The following OR9Q1 variants were observed in gnomAD, a reference collection of about 807,000 sequenced individuals.
OR9Q1 encodes the protein olfactory receptor family 9 subfamily Q member 1.
For synonymous variants in OR9Q1, 153 were observed against 148.6 expected, an observed-to-expected ratio of 1.03 and a Z score of -0.22; for missense variants, 374 against 378.8, an observed-to-expected ratio of 0.99 and a Z score of 0.11.
At chr11:58,172,740 C>T (rs953664347) in intron 2 of OR9Q1, among the ~76,000 whole-genome samples, 2 of 152,108 alleles carry the variant, frequency 1.3e-5, no homozygotes, top group African/African-American at 2.4e-5. Flanking sequence ...TATTTTGATA[C>T]AGCCATGCAA....
intron 1 of OR9Q1, among the ~76,000 whole-genome samples, chr11:58,035,715 G>A (rs185912845): frequency 3.3e-5 from 5 of 152,154 alleles, no homozygotes; most frequent in Admixed American, 1.3e-4. Flanking sequence ...CTGACCTATC[G>A]CATTTTCCAA....
chr11:58,099,171 A>G (rs1330818669), intron 2 of OR9Q1, among the ~76,000 whole-genome samples: 3 of 151,494 alleles, frequency 2.0e-5, no homozygotes, highest in African/African-American at 7.3e-5. Context: ...CATTTCCTAT[A>G]TATCAAATAG....
rs1273624127 is a variant in OR9Q1, at chr11:58,160,831, C to T, written c.-14-18600C>T. ...GCAAGTTCACGCCCACCATAGTCTA[C>T]AATAATGAAATCCTCAACAACCATT... On this transcript the variant is annotated intron_variant, in intron 2 of 2. Transcript: ENST00000335397. Among the ~76,000 whole-genome samples the T allele has an allele frequency of 2.0e-5, 3 of 152,114 alleles. No homozygotes were observed. The South Asian group carries it at 6.2e-4, about 32-fold the overall frequency.
At chr11:58,140,701 G>T (rs1261635612) in intron 2 of OR9Q1, among the ~76,000 whole-genome samples, 1 of 152,090 alleles carries the variant, frequency 6.6e-6, no homozygotes, top group Non-Finnish European at 1.5e-5. Flanking sequence ...CTTGTGGTAT[G>T]GTTTGAAGTC....
At chr11:58,112,014 G>A (rs962626368) in intron 2 of OR9Q1, among the ~76,000 whole-genome samples, 2 of 152,134 alleles carry the variant, frequency 1.3e-5, no homozygotes, top group African/African-American at 4.8e-5. Context: ...TGGGCCAGGT[G>A]TGGTGGCTCA....
rs529122736 is a variant in OR9Q1, at chr11:58,126,200, T to A, written c.-14-53231T>A. 5.3e-5 allele frequency among the ~76,000 whole-genome samples: 8 copies of A among 152,328 alleles called. No homozygotes were observed. In the South Asian group the frequency reaches 1.2e-3, roughly 24 times the overall value. ...CAGCTCTTGTCTCTTCCCTCGTCTC[T>A]GAAACCCATGATCTCTTTGTTAGAA... On this transcript the variant is annotated intron_variant, in intron 2 of 2. Transcript: ENST00000335397.
intron 2 of OR9Q1, among the ~76,000 whole-genome samples, chr11:58,127,289 C>A (rs1448468858): frequency 6.6e-6 from 1 of 152,188 alleles, no homozygotes; most frequent in East Asian, 1.9e-4. Context: ...GGAAGAGATG[C>A]ATCTTAGGTT....
chr11:58,050,735 C>T, intron 1 of OR9Q1, among the ~76,000 whole-genome samples: 1 of 110,108 alleles, frequency 9.1e-6, no homozygotes, highest in Non-Finnish European at 1.9e-5. Flanking sequence ...CTACAATGAA[C>T]TCAAACAAAT....
intron 2 of OR9Q1, chr11:58,119,408 T>G: frequency 1.9e-6 from 3 of 1,612,898 alleles, no homozygotes; most frequent in Non-Finnish European, 2.5e-6. Context: ...CCCATGAGAA[T>G]GAATTCGGTT....
At chr11:58,025,955 C>G (rs576000827) in intron 1 of OR9Q1, among the ~76,000 whole-genome samples, 6 of 152,158 alleles carry the variant, frequency 3.9e-5, no homozygotes, top group Non-Finnish European at 7.3e-5. Flanking sequence ...TCCACCGTCC[C>G]CCACCCTCAG....
intron 2 of OR9Q1, among the ~76,000 whole-genome samples, chr11:58,095,518 G>A (rs1050657169): frequency 6.6e-6 from 1 of 152,198 alleles, no homozygotes; most frequent in African/African-American, 2.4e-5. Flanking sequence ...CTGCATGGCT[G>A]GGGAGGCCTC....
intron 2 of OR9Q1, among the ~76,000 whole-genome samples, chr11:58,148,667 T>C (rs1457943037): frequency 6.6e-6 from 1 of 152,192 alleles, no homozygotes; most frequent in East Asian, 1.9e-4. Flanking sequence ...TTCCTGGTGA[T>C]GGAATTCAAA....
intron 2 of OR9Q1, among the ~76,000 whole-genome samples, chr11:58,056,311 A>C (rs1266868035): frequency 6.6e-6 from 1 of 152,166 alleles, no homozygotes; most frequent in African/African-American, 2.4e-5. Context: ...GGTATCTTTA[A>C]TAAGAGTCTT....
At chr11:58,054,004 A>G (rs1447812118) in intron 1 of OR9Q1, among the ~76,000 whole-genome samples, 2 of 152,262 alleles carry the variant, frequency 1.3e-5, no homozygotes, top group Middle Eastern at 3.4e-3. Context: ...CTCCCACACA[A>G]ATGGTGACTA....
At chr11:58,031,377 G>C in intron 1 of OR9Q1, 4 of 1,614,162 alleles carry the variant, frequency 2.5e-6, no homozygotes, top group Non-Finnish European at 3.4e-6. Flanking sequence ...TTTGTGTCCT[G>C]GGGCACCTGC....
intron 2 of OR9Q1, among the ~76,000 whole-genome samples, chr11:58,128,591 A>G (rs1854111885): frequency 6.6e-6 from 1 of 152,168 alleles, no homozygotes; most frequent in Admixed American, 6.5e-5. Context: ...ATATAAGTGA[A>G]TCTTTGTCAC....
chr11:58,037,690 T>TATATATA (rs1232679301), intron 1 of OR9Q1, among the ~76,000 whole-genome samples: 1 of 9,354 alleles, frequency 1.1e-4, no homozygotes, highest in African/African-American at 5.6e-4. Flanking sequence ...TATATATATA[T>TATATATA]TTTTTTTTTT....
intron 1 of OR9Q1, chr11:58,031,193 C>A: frequency 6.2e-7 from 1 of 1,614,102 alleles, no homozygotes; most frequent in Non-Finnish European, 8.5e-7. Flanking sequence ...TGTTACAGTG[C>A]CCAAGATGCT....
At chr11:58,067,180 T>C (rs1853438083) in intron 2 of OR9Q1, among the ~76,000 whole-genome samples, 2 of 151,990 alleles carry the variant, frequency 1.3e-5, no homozygotes, top group Admixed American at 6.6e-5. Context: ...TACAGGCGCC[T>C]GCCACCATGC....
Sources: allele counts gnomAD v4.1 joint callset (sites outside exome capture counted in the v4.1 genomes callset), GRCh38; gene constraint gnomAD v4.1.1; transcripts MANE v1.5; gene names NCBI Gene and HGNC (gene_info 2026-07-23, HGNC 2026-07-21).